The following MAGI2 variants were observed in gnomAD, a reference collection of about 807,000 sequenced individuals.
MAGI2 encodes the protein membrane associated guanylate kinase, WW and PDZ domain containing 2.
MAGI2 carries 35 observed loss-of-function variants against 133.3 expected under a neutral mutation model. The ratio of observed to expected loss-of-function variants is 0.26; its 90% CI spans 0.20 to 0.35. The LOEUF is 0.35. MAGI2 is among the 10% of genes least tolerant of loss of function. The probability of loss-of-function intolerance (pLI) is 1.00; values close to 1 mark genes in which losing one functional copy is unlikely to be tolerated. For synonymous variants in MAGI2, 729 were observed against 710.6 expected, an observed-to-expected ratio of 1.03 and a Z score of -0.41; for missense variants, 1,636 against 1,863.4, an observed-to-expected ratio of 0.88 and a Z score of 2.25.
At chr7:78,913,782 G>A (rs1008039165) in intron 2 of MAGI2, among the ~76,000 whole-genome samples, 4 of 152,158 alleles carry the variant, frequency 2.6e-5, no homozygotes, top group African/African-American at 9.7e-5. Context: ...GTGGATCTAA[G>A]TATTTTATAA....
intron 1 of MAGI2, among the ~76,000 whole-genome samples, chr7:79,251,479 T>C (rs1319038655): frequency 1.3e-5 from 2 of 151,906 alleles, no homozygotes; most frequent in Non-Finnish European, 2.9e-5. Flanking sequence ...CAAACAGCCA[T>C]AAGAAAAGGT....
chr7:79,114,125 G>A (rs935869895), intron 1 of MAGI2, among the ~76,000 whole-genome samples: 2 of 152,046 alleles, frequency 1.3e-5, no homozygotes, highest in Admixed American at 1.3e-4. Context: ...TAAAAATGGG[G>A]TCTAAAATCA....
chr7:78,474,325 T>C lies in MAGI2; in HGVS notation c.1045+15436A>G, dbSNP rs147663100. ...GACAGTGAAAAAGGAATCTATGTGA[T>C]AGTGCATCAGCTTAGGAGATGGGAT... On this transcript the variant is annotated intron_variant, in intron 6 of 21. Coordinates refer to ENST00000354212, the MANE Select transcript of MAGI2 (RefSeq NM_012301.4). 9.5e-3 allele frequency among the ~76,000 whole-genome samples: 1,441 copies of C among 152,148 alleles called. 23 individuals are homozygous for C. The highest frequency in any genetic ancestry group is 0.032 in the African/African-American group (1,328 of 41,552).
intron 1 of MAGI2, among the ~76,000 whole-genome samples, chr7:79,376,574 A>AAGGG (rs1843392346): frequency 6.6e-6 from 1 of 151,820 alleles, no homozygotes. Flanking sequence ...AGGTGATGTC[A>AAGGG]ATGACTAATG....
chr7:78,642,939 C>A (rs2150992451), intron 2 of MAGI2, among the ~76,000 whole-genome samples: 1 of 152,282 alleles, frequency 6.6e-6, no homozygotes, highest in South Asian at 2.1e-4. Flanking sequence ...TAGATGAGAG[C>A]AGCAGGTGGG....
chr7:79,051,070 C>A (rs979181858), intron 1 of MAGI2, among the ~76,000 whole-genome samples: 1 of 152,204 alleles, frequency 6.6e-6, no homozygotes, highest in Non-Finnish European at 1.5e-5. Context: ...CCCCTCTTGG[C>A]TAAAATGAGT....
rs1166887308 is a variant in MAGI2, at chr7:78,135,156, A to G, written c.2896T>C (p.Cys966Arg). The G allele has an allele frequency of 1.9e-6, 3 of 1,614,078 alleles. No homozygotes were observed. The highest frequency in any genetic ancestry group is 2.7e-5 in the African/African-American group (2 of 74,924). ...CGGTCTCCCACTTTTAGTTTTGCACAGCGATCTGCAGGACTCCCATCAATG... is the reference window on the plus strand; with the variant it reads ...CGGTCTCCCACTTTTAGTTTTGCACGGCGATCTGCAGGACTCCCATCAATG... ...RIIDGSPADRCAKLKVGDRIL... is the reference protein window; with the variant it reads ...RIIDGSPADRRAKLKVGDRIL... The change falls in exon 17 of 22, where the codon TGT becomes CGT. Residue 966 changes from cysteine to arginine, a missense_variant. Physicochemically the swap from Cys to Arg is radical, Grantham distance 180. Around this residue, in one of 5 missense-constraint regions of MAGI2, gnomAD observed 920 missense variants for 1,093.5 expected, o/e 0.84. Transcript: ENST00000354212.
chr7:79,449,030 A>C (rs1050458884), intron 1 of MAGI2, among the ~76,000 whole-genome samples: 2 of 152,160 alleles, frequency 1.3e-5, no homozygotes, highest in African/African-American at 4.8e-5. Context: ...AACTGATCAA[A>C]ATGTTTAAAC....
intron 2 of MAGI2, among the ~76,000 whole-genome samples, chr7:78,885,467 G>T (rs73144911): frequency 6.6e-6 from 1 of 152,068 alleles, no homozygotes; most frequent in Non-Finnish European, 1.5e-5. Flanking sequence ...TTTATACTGT[G>T]CTAAGGCTAT....
chr7:78,415,514 AAAT>A (rs937396257), intron 6 of MAGI2, among the ~76,000 whole-genome samples: 1 of 152,128 alleles, frequency 6.6e-6, no homozygotes, highest in African/African-American at 2.4e-5. Context: ...CCCCAGGTCA[AAAT>A]AATAAGTCTA....
At chr7:79,023,804 A>G (rs1307205610) in intron 1 of MAGI2, among the ~76,000 whole-genome samples, 1 of 152,174 alleles carries the variant, frequency 6.6e-6, no homozygotes, top group Non-Finnish European at 1.5e-5. Flanking sequence ...CTACAATGAG[A>G]ATTAGAAAAC....
intron 1 of MAGI2, among the ~76,000 whole-genome samples, chr7:79,260,723 C>A (rs549721286): frequency 5.7e-4 from 87 of 152,234 alleles, no homozygotes; most frequent in African/African-American, 2.0e-3. Context: ...TTATTGTAAA[C>A]AATTACCTTC....
intron 2 of MAGI2, among the ~76,000 whole-genome samples, chr7:79,005,396 A>G (rs888278938): frequency 2.0e-5 from 3 of 152,092 alleles, no homozygotes; most frequent in African/African-American, 7.2e-5. Context: ...GAAGCTCTTT[A>G]TGTTTACTCA....
intron 6 of MAGI2, among the ~76,000 whole-genome samples, chr7:78,387,563 T>A (rs910023867): frequency 3.3e-5 from 5 of 152,284 alleles, no homozygotes; most frequent in Admixed American, 6.5e-5. Flanking sequence ...AGTCTTTAAT[T>A]AGTAAGCTTA....
intron 9 of MAGI2, among the ~76,000 whole-genome samples, chr7:78,338,079 G>A (rs1426649048): frequency 3.3e-5 from 5 of 152,224 alleles, no homozygotes; most frequent in Middle Eastern, 3.4e-3. Flanking sequence ...TTAATTACAG[G>A]TATATGTGTA....
intron 1 of MAGI2, among the ~76,000 whole-genome samples, chr7:79,388,548 C>A (rs55713683): frequency 0.2 from 30,064 of 151,576 alleles, 3,570 homozygotes; most frequent in African/African-American, 0.33. Flanking sequence ...AAAGAATATT[C>A]AAATTATGGT....
intron 2 of MAGI2, among the ~76,000 whole-genome samples, chr7:78,786,597 G>T (rs1389024267): frequency 6.6e-6 from 1 of 152,032 alleles, no homozygotes; most frequent in East Asian, 1.9e-4. Flanking sequence ...CCCACTATAG[G>T]GCCTTTGTGT....
intron 20 of MAGI2, among the ~76,000 whole-genome samples, chr7:78,109,333 A>T (rs1335433740): frequency 4.7e-5 from 6 of 128,534 alleles, no homozygotes; most frequent in African/African-American, 1.7e-4. Context: ...AAAAAAAAAA[A>T]AGAAAAAAGA....
At chr7:79,141,598 T>C (rs1822137587) in intron 1 of MAGI2, among the ~76,000 whole-genome samples, 1 of 152,214 alleles carries the variant, frequency 6.6e-6, no homozygotes, top group Non-Finnish European at 1.5e-5. Context: ...TCAATAATTA[T>C]TAATGTACTA....
Sources: gnomAD v4.1 joint callset for allele counts (sites outside exome capture counted in the v4.1 genomes callset) on GRCh38, gnomAD v4.1.1 for gene constraint, gnomAD v4.1.1 regional missense constraint, MANE v1.5 for transcripts, NCBI Gene and HGNC (gene_info 2026-07-23, HGNC 2026-07-21) for gene names.